Variants in CLDN16 observed in about 807,000 individuals in gnomAD.
CLDN16 encodes claudin 16.
CLDN16 carries 13 observed loss-of-function variants against 24.6 expected under a neutral mutation model. The ratio of observed to expected loss-of-function variants is 0.53; its 90% CI spans 0.34 to 0.84. The LOEUF (loss-of-function observed/expected upper bound fraction) is 0.84, where lower values mean the gene tolerates loss of function less well. Ranked by LOEUF, CLDN16 falls within the 40% of genes least tolerant of loss-of-function variation. The pLI is 0.01. For synonymous variants in CLDN16, 116 were observed against 106.7 expected (o/e 1.09, Z -0.54); for missense variants, 298 against 292.7 (o/e 1.02, Z -0.13).
intron 1 of CLDN16, among the ~76,000 whole-genome samples, chr3:190,354,571 G>A (rs920356734): frequency 2.0e-5 from 3 of 152,012 alleles, no homozygotes; most frequent in Non-Finnish European, 4.4e-5. Flanking sequence ...GAGATGGCAC[G>A]TGATCCAGTC....
chr3:190,293,086 G>A, the CLDN16 span, among the ~76,000 whole-genome samples: 9,842 of 152,212 alleles, frequency 0.065, 1,030 homozygotes, highest in African/African-American at 0.21. Context: ...AAGAAAAGAT[G>A]TTTATTGGAC....
In CLDN16 at chr3:190,373,784, A is replaced by G. The variant is rs549746941; in HGVS notation, n.231-744A>G. ...AGAAATTCTTCAGAGCTAGTCAATGATGTAGGAAATATAGATGATAGTGGT... is the reference window on the plus strand; with the variant it reads ...AGAAATTCTTCAGAGCTAGTCAATGGTGTAGGAAATATAGATGATAGTGGT... On this transcript the variant is annotated intron_variant and non_coding_transcript_variant, in intron 2 of 4. Coordinates refer to the CLDN16 transcript ENST00000468220. Among the ~76,000 whole-genome samples the G allele has an allele frequency of 3.3e-5, 5 of 151,856 alleles. No homozygotes were observed. In the South Asian group the frequency reaches 1.0e-3, roughly 32 times the overall value.
chr3:190,385,288 C>T (rs1308888211), upstream of CLDN16, among the ~76,000 whole-genome samples: 2 of 152,128 alleles, frequency 1.3e-5, no homozygotes, highest in Non-Finnish European at 2.9e-5. Context: ...TCTGTGCCCT[C>T]CATCCTCACA....
chr3:190,396,295 A>G (rs950115001), intron 1 of CLDN16, among the ~76,000 whole-genome samples: 45 of 152,206 alleles, frequency 3.0e-4, no homozygotes, highest in African/African-American at 9.9e-4. Context: ...TGAGTAAACA[A>G]GGTCCAGAAT....
At chr3:190,357,220 A>G (rs1004066678) in intron 1 of CLDN16, among the ~76,000 whole-genome samples, 1 of 151,910 alleles carries the variant, frequency 6.6e-6, no homozygotes, top group Non-Finnish European at 1.5e-5. Flanking sequence ...AGTTCTGTAG[A>G]TGAGCTTCTA....
intron 1 of CLDN16, among the ~76,000 whole-genome samples, chr3:190,367,417 A>G (rs938881717): frequency 6.6e-6 from 1 of 151,912 alleles, no homozygotes; most frequent in Admixed American, 6.6e-5. Flanking sequence ...TCAAACAGAA[A>G]TTTGGCCTGT....
chr3:190,383,976 A>AATTCATAAT (rs1375995939), upstream of CLDN16, among the ~76,000 whole-genome samples: 1 of 152,166 alleles, frequency 6.6e-6, no homozygotes, highest in Non-Finnish European at 1.5e-5. Context: ...TATGGGACAA[A>AATTCATAAT]ATTCATAATT....
upstream of CLDN16, among the ~76,000 whole-genome samples, chr3:190,383,754 C>T (rs1342588953): frequency 6.6e-6 from 1 of 152,104 alleles, no homozygotes; most frequent in African/African-American, 2.4e-5. Context: ...TTGTTTTCAA[C>T]TTAGTAAGTT....
the CLDN16 span, among the ~76,000 whole-genome samples, chr3:190,298,775 A>T: frequency 1.3e-5 from 2 of 152,284 alleles, no homozygotes; most frequent in Admixed American, 1.3e-4. Context: ...TATTCATTTT[A>T]CATATAACTG....
chr3:190,362,829 G>A (rs1007598938), intron 1 of CLDN16, among the ~76,000 whole-genome samples: 5 of 151,856 alleles, frequency 3.3e-5, no homozygotes, highest in African/African-American at 1.2e-4. Flanking sequence ...TTATATCTCT[G>A]TCTCCCTATA....
At chr3:190,330,650 G>T (rs984734853) in intron 1 of CLDN16, among the ~76,000 whole-genome samples, 2 of 152,094 alleles carry the variant, frequency 1.3e-5, no homozygotes, top group African/African-American at 4.8e-5. Context: ...TGTAATAACT[G>T]GTATAGGAGG....
At chr3:190,363,980 C>T (rs936899959) in intron 1 of CLDN16, among the ~76,000 whole-genome samples, 1 of 151,924 alleles carries the variant, frequency 6.6e-6, no homozygotes, top group Non-Finnish European at 1.5e-5. Context: ...CTGAAGAATT[C>T]TGCCTGCCTA....
At chr3:190,354,027 C>A (rs937611352) in intron 1 of CLDN16, among the ~76,000 whole-genome samples, 7 of 152,034 alleles carry the variant, frequency 4.6e-5, no homozygotes, top group African/African-American at 1.7e-4. Context: ...CCTCTTCTAG[C>A]TTCTGCTGGC....
intron 2 of CLDN16, among the ~76,000 whole-genome samples, chr3:190,403,052 G>A (rs950869661): frequency 6.6e-6 from 1 of 152,176 alleles, no homozygotes; most frequent in Non-Finnish European, 1.5e-5. Context: ...TTAAAGCCAG[G>A]TGCAGTGGCT....
intron 1 of CLDN16, among the ~76,000 whole-genome samples, chr3:190,353,173 T>G (rs917844162): frequency 2.0e-5 from 3 of 152,110 alleles, no homozygotes; most frequent in Non-Finnish European, 1.5e-5. Context: ...ATCCTGTAAG[T>G]TGCTAATTAT....
At chr3:190,333,915 CATGTAAATTTT>C (rs1221209764) in intron 1 of CLDN16, among the ~76,000 whole-genome samples, 1 of 151,962 alleles carries the variant, frequency 6.6e-6, no homozygotes, top group Non-Finnish European at 1.5e-5. Context: ...GTCACAGAAC[CATGTAAATTTT>C]ATGAAAATTT....
intron 3 of CLDN16, among the ~76,000 whole-genome samples, chr3:190,380,217 TTCCTTCCTTTTCTTCCTTCCCTC>T (rs1308160912): frequency 4.3e-5 from 4 of 93,174 alleles, no homozygotes; most frequent in African/African-American, 1.7e-4. Flanking sequence ...CCTTCCTCCC[TTCCTTCCTTTTCTTCCTTCCCTC>T]CCTTCCTTCC....
At chr3:190,387,929 A>G (rs1393011511), upstream of CLDN16, 1 of 613,484 alleles carries the variant, frequency 1.6e-6, no homozygotes, top group Non-Finnish European at 2.9e-6. Flanking sequence ...AAGAAAGATC[A>G]GTTTACAGGT....
the CLDN16 span, among the ~76,000 whole-genome samples, chr3:190,311,679 A>T: frequency 6.6e-6 from 1 of 151,142 alleles, no homozygotes; most frequent in Non-Finnish European, 1.5e-5. Flanking sequence ...AACATATAGT[A>T]GTCTATTATT....
Sources: gnomAD v4.1 joint callset for allele counts (sites outside exome capture counted in the v4.1 genomes callset) on GRCh38, gnomAD v4.1.1 for gene constraint, MANE v1.5 for transcripts, NCBI Gene and HGNC (gene_info 2026-07-23, HGNC 2026-07-21) for gene names.